ANKRD30A: variants seen among roughly 807,000 people sequenced by gnomAD.
ANKRD30A encodes the protein ankyrin repeat domain 30A.
Under a neutral mutation model 166.3 loss-of-function variants are expected in ANKRD30A, and 170 were observed. The ratio of observed to expected loss-of-function variants is 1.02; its 90% CI spans 0.90 to 1.16. The LOEUF (loss-of-function observed/expected upper bound fraction) is 1.16. Ranked by LOEUF, ANKRD30A falls within the 50% of genes most tolerant of loss-of-function variation. The pLI is 0.00. For synonymous variants in ANKRD30A, 564 were observed against 508.9 expected, an observed-to-expected ratio of 1.11 and a Z score of -1.46; for missense variants, 1,630 against 1,518.0, an observed-to-expected ratio of 1.07 and a Z score of -1.23.
At chr10:37,200,977 T>G (rs755302669) in intron 30 of ANKRD30A, among the ~76,000 whole-genome samples, 7 of 152,072 alleles carry the variant, frequency 4.6e-5, no homozygotes, top group Non-Finnish European at 8.8e-5. Context: ...CACGATTGAA[T>G]TTTTTCGTGT....
chr10:37,125,845 C>G lies in ANKRD30A; in HGVS notation c.58C>G (p.Pro20Ala). ...KVVPGPERPS[P>A]FSQLVYTSND... ...CGTGCCGGGCCCGGAGCGCCCGAGC[C>G]CTTTCAGCCAGCTAGTCTATACCAG... The change falls in exon 1 of 36, where the codon CCT becomes GCT. Residue 20 changes from proline to alanine, a missense_variant. Physicochemically the swap from Pro to Ala is conservative, Grantham distance 27 (BLOSUM62 -1). Coordinates refer to ENST00000361713, the MANE Select transcript of ANKRD30A (RefSeq NM_052997.3). 8.3e-7 allele frequency: 1 copy of G among 1,209,284 alleles called. No homozygotes were observed. Among genetic ancestry groups the G allele is most frequent in the Non-Finnish European group, 1.2e-6 (1 of 837,250 alleles). The allele number at this position is 1,209,284 out of a possible 1,614,324, so 74.9% of individuals were successfully genotyped here.
At chr10:37,159,759 G>A (rs140956525) in intron 15 of ANKRD30A, among the ~76,000 whole-genome samples, 3 of 151,960 alleles carry the variant, frequency 2.0e-5, no homozygotes, top group Admixed American at 6.6e-5. Flanking sequence ...GCCATGGCGC[G>A]ATCTCGGCTC....
chr10:37,261,226 A>G, the ANKRD30A span, among the ~76,000 whole-genome samples: 1 of 152,172 alleles, frequency 6.6e-6, no homozygotes, highest in East Asian at 1.9e-4. Flanking sequence ...ATACATTGTT[A>G]TAGACATCCT....
At chr10:37,161,875 C>T (rs1188942034) in intron 15 of ANKRD30A, among the ~76,000 whole-genome samples, 3 of 152,118 alleles carry the variant, frequency 2.0e-5, no homozygotes, top group Non-Finnish European at 4.4e-5. Flanking sequence ...ATTGTAGGAA[C>T]TGAGAAAATA....
intron 15 of ANKRD30A, among the ~76,000 whole-genome samples, chr10:37,162,104 T>C (rs1838946718): frequency 6.6e-6 from 1 of 152,142 alleles, no homozygotes; most frequent in African/African-American, 2.4e-5. Context: ...AAGTAGAGGA[T>C]ACAGAAATAT....
chr10:37,197,379 T>G, intron 28 of ANKRD30A, 29 bp from the exon 29 acceptor site: 1 of 1,612,710 alleles, frequency 6.2e-7, no homozygotes. Context: ...ACATTCTTTA[T>G]TAATCATTTT....
chr10:37,263,333 T>C, the ANKRD30A span, among the ~76,000 whole-genome samples: 7 of 152,182 alleles, frequency 4.6e-5, no homozygotes, highest in East Asian at 1.4e-3. Context: ...GGGACTTCCA[T>C]GAGTCTCCTA....
At chr10:37,137,256 T>C (rs1284202273) in intron 6 of ANKRD30A, among the ~76,000 whole-genome samples, 2 of 152,166 alleles carry the variant, frequency 1.3e-5, no homozygotes, top group African/African-American at 2.4e-5. Flanking sequence ...CCAAGATGGC[T>C]GAATAGGAAC....
rs1241402560 is a variant in ANKRD30A, at chr10:37,219,766, A to G, written c.4054A>G (p.Ile1352Val). Residue 1352 changes from isoleucine (I) to valine (V), a missense_variant, in exon 34 of 36, where the codon ATT (isoleucine) becomes GTT (valine). This residue lies in a region of ANKRD30A where 712 missense variants were observed against 629.3 expected (regional missense o/e 1.13). Transcript: ENST00000361713. ...KKADNKSKIT[I>V]DIHFLERKMQ... ...AGCTGACAACAAAAGCAAGATAACA[A>G]TTGATATTCATTTTCTTGAGAGGAA... is the stretch of plus-strand genomic sequence containing the variant. 4 of 1,608,490 alleles carry G rather than the reference A, an allele frequency of 2.5e-6. No individual in the cohort carries two copies. In the East Asian group the frequency reaches 9.0e-5, roughly 36 times the overall value.
intron 13 of ANKRD30A, among the ~76,000 whole-genome samples, chr10:37,154,932 T>C (rs1308494858): frequency 6.6e-6 from 1 of 152,234 alleles, no homozygotes; most frequent in Non-Finnish European, 1.5e-5. Context: ...TATATATGTA[T>C]GTATGTATGT....
chr10:37,197,660 T>C lies in ANKRD30A; in HGVS notation c.2716+180T>C, dbSNP rs190514091. 3.2e-4 allele frequency among the ~76,000 whole-genome samples: 48 copies of C among 151,774 alleles called. No individual in the cohort carries two copies. The East Asian group carries it at 8.5e-3, about 27-fold the overall frequency. ...TTACAAGCACAGTAATTTTCAATATTTTTTTTAAAAAATGTAGCCTTAATC... is the reference window on the plus strand; with the variant it reads ...TTACAAGCACAGTAATTTTCAATATCTTTTTTAAAAAATGTAGCCTTAATC... On this transcript the variant is annotated intron_variant, in intron 29 of 35. Coordinates refer to ENST00000361713, the MANE Select transcript of ANKRD30A (RefSeq NM_052997.3).
chr10:37,146,710 T>C (rs531089077), intron 8 of ANKRD30A, among the ~76,000 whole-genome samples: 6 of 152,254 alleles, frequency 3.9e-5, no homozygotes, highest in Admixed American at 2.0e-4. Flanking sequence ...TAGAGGGTAA[T>C]TGACATTGTG....
Position 37,178,174 on chromosome 10 carries a change from A to G in ANKRD30A, c.2421+1956A>G, listed in dbSNP as rs540354544. Among the ~76,000 whole-genome samples the G allele has an allele frequency of 8.6e-5, 13 of 151,348 alleles. 2 individuals carry two copies. The highest frequency in any genetic ancestry group is 3.1e-4 in the African/African-American group (13 of 41,434). On this transcript the variant is annotated intron_variant, in intron 24 of 35. Transcript: ENST00000361713. ...AGAAATTTGGGAAGAATATAATGTG[A>G]CCTTCTAGAATCAAAATTTACCAGA...
At chr10:37,153,180 C>T (rs578074432) in intron 12 of ANKRD30A, among the ~76,000 whole-genome samples, 1 of 152,226 alleles carries the variant, frequency 6.6e-6, no homozygotes, top group South Asian at 2.1e-4. Flanking sequence ...ATGTTTAATG[C>T]TGTATGTGTC....
At chr10:37,157,942 G>T (rs1208848680) in intron 13 of ANKRD30A, among the ~76,000 whole-genome samples, 1 of 151,876 alleles carries the variant, frequency 6.6e-6, no homozygotes, top group Admixed American at 6.6e-5. Flanking sequence ...GAACATAATA[G>T]CTACATGTAT....
the ANKRD30A span, among the ~76,000 whole-genome samples, chr10:37,244,710 C>T: frequency 6.6e-6 from 1 of 152,226 alleles, no homozygotes; most frequent in Non-Finnish European, 1.5e-5. Flanking sequence ...ATTTTTCCTG[C>T]TCAGGTGCTG....
chr10:37,198,678 A>G (rs917698571), intron 29 of ANKRD30A, among the ~76,000 whole-genome samples: 3 of 152,062 alleles, frequency 2.0e-5, no homozygotes, highest in African/African-American at 7.2e-5. Context: ...TTACCAAAGT[A>G]TGATTTAAGT....
chr10:37,148,044 T>G (rs1335263236), intron 9 of ANKRD30A, among the ~76,000 whole-genome samples: 2 of 133,552 alleles, frequency 1.5e-5, no homozygotes, highest in African/African-American at 5.5e-5. Flanking sequence ...TCTATAAAAT[T>G]TATCATATAC....
chr10:37,166,777 A>G (rs1389563083), intron 19 of ANKRD30A, 82 bp downstream of exon 19: 34 of 1,575,220 alleles, frequency 2.2e-5, no homozygotes, highest in East Asian at 6.7e-5. Context: ...TAGTAGCTGA[A>G]GAAAATTACC....
Sources: gnomAD v4.1 joint callset for allele counts (sites outside exome capture counted in the v4.1 genomes callset) on GRCh38, gnomAD v4.1.1 for gene constraint, gnomAD v4.1.1 regional missense constraint, MANE v1.5 for transcripts, NCBI Gene and HGNC (gene_info 2026-07-23, HGNC 2026-07-21) for gene names.